OVOL2: variants seen among roughly 807,000 people sequenced by gnomAD.
The protein encoded by OVOL2 is ovo like zinc finger 2, also known as transcription factor Ovo-like 2.
OVOL2 carries 13 observed loss-of-function variants against 18.1 expected under a neutral mutation model. The observed-to-expected ratio is 0.72, with a 90% CI of 0.47 to 1.14. The LOEUF is 1.14. Among genes scored for constraint, OVOL2 ranks in the 50% most tolerant of loss-of-function variants. The pLI is 0.00. For missense variants in OVOL2, 335 were observed against 383.0 expected, an observed-to-expected ratio of 0.87 and a Z score of 1.05; for synonymous variants, 166 against 162.7, an observed-to-expected ratio of 1.02 and a Z score of -0.16.
At chr20:18,043,618 C>T (rs1600446122) in intron 2 of OVOL2, among the ~76,000 whole-genome samples, 1 of 152,192 alleles carries the variant, frequency 6.6e-6, no homozygotes, top group Admixed American at 6.5e-5. Flanking sequence ...CAGAGCCATG[C>T]CTATGGCTTT....
intron 3 of OVOL2, among the ~76,000 whole-genome samples, chr20:18,034,651 T>A (rs13043737): frequency 0.18 from 25,960 of 145,374 alleles, 2,846 homozygotes; most frequent in Non-Finnish European, 0.25. Flanking sequence ...TCTCTCTCTC[T>A]CACACACACA....
intron 2 of OVOL2, among the ~76,000 whole-genome samples, chr20:18,048,625 C>T (rs931856199): frequency 6.6e-6 from 1 of 151,488 alleles, no homozygotes; most frequent in African/African-American, 2.4e-5. Flanking sequence ...ACTCAGGAGG[C>T]TGAGGTGGGG....
chr20:18,036,856 G>A (rs1378808386), intron 3 of OVOL2, among the ~76,000 whole-genome samples: 2 of 152,170 alleles, frequency 1.3e-5, no homozygotes, highest in African/African-American at 2.4e-5. Context: ...ACTGCAACAG[G>A]CCGGGCGCGG....
rs1488131108 is a variant in OVOL2 at position 18,056,439 on chromosome 20, A to G, written c.321+218T>C. On this transcript the variant is annotated intron_variant, in intron 2 of 3. Coordinates refer to ENST00000278780, the MANE Select transcript of OVOL2 (RefSeq NM_021220.4). This position sits in a 1 kb window ranked among gnomAD's most constrained non-coding sequence, Gnocchi z 4.2. Reference sequence around the variant, plus strand: ...CGGGAGGACGGAGCCCACTCCGGGAACCGGCCGCCCCTGCGCAGCAGCTAC... The same window carrying G: ...CGGGAGGACGGAGCCCACTCCGGGAGCCGGCCGCCCCTGCGCAGCAGCTAC... Among the ~76,000 whole-genome samples, 1 of 151,952 alleles carries G rather than the reference A, an allele frequency of 6.6e-6. No individual in the cohort carries two copies. Among genetic ancestry groups the G allele is most frequent in the Non-Finnish European group, 1.5e-5 (1 of 67,942 alleles).
chr20:18,035,681 C>G (rs1375531168), intron 3 of OVOL2, among the ~76,000 whole-genome samples: 1 of 152,158 alleles, frequency 6.6e-6, no homozygotes, highest in Admixed American at 6.5e-5. Flanking sequence ...CAGGAAGCCC[C>G]CGGCTGCTCT....
At chr20:18,025,086 G>C in intron 3 of OVOL2, 134 bp from the exon 4 acceptor site, 1 of 1,044,878 alleles carries the variant, frequency 9.6e-7, no homozygotes, top group Non-Finnish European at 1.4e-6. Context: ...CAGCAGGAGA[G>C]AAAACTGTCT....
At chr20:18,042,990 T>C (rs2036688320) in intron 2 of OVOL2, among the ~76,000 whole-genome samples, 1 of 152,152 alleles carries the variant, frequency 6.6e-6, no homozygotes, top group African/African-American at 2.4e-5. Flanking sequence ...TCAGGTATTC[T>C]TTATGGCAAC....
chr20:18,057,677 G>T lies in OVOL2; in HGVS notation c.-43C>A, dbSNP rs1456267108. 8 of 1,530,742 alleles carry T rather than the reference G, an allele frequency of 5.2e-6. No individual in the cohort carries two copies. The African/African-American group carries it at 1.1e-4, about 21-fold the overall frequency. The allele number at this position is 1,530,742 out of a possible 1,614,324, so 94.8% of individuals were successfully genotyped here. A position where few individuals can be genotyped will look rare whatever the true frequency, so the allele number is the denominator to read the frequency against. On this transcript the variant is annotated 5_prime_UTR_variant, in exon 1 of 4. Coordinates refer to ENST00000278780, the MANE Select transcript of OVOL2 (RefSeq NM_021220.4). This position sits in a 1 kb window ranked among gnomAD's most constrained non-coding sequence, Gnocchi z 6.3. Reference sequence around the variant, plus strand: ...CGACTGCGGCCCCCTCCTCCCGGCTGCTCCCCGCTAGGGGCAACGGCGGCG... The same window carrying T: ...CGACTGCGGCCCCCTCCTCCCGGCTTCTCCCCGCTAGGGGCAACGGCGGCG...
At chr20:18,054,766 C>CAAAAAAAAAAA (rs745367889) in intron 2 of OVOL2, among the ~76,000 whole-genome samples, 18 of 63,418 alleles carry the variant, frequency 2.8e-4, no homozygotes, top group African/African-American at 3.5e-4. Context: ...AACTCCATCT[C>CAAAAAAAAAAA]AAAAAAAAAA....
Position 18,056,931 on chromosome 20 carries a change from C to A in OVOL2, c.101-54G>T, listed in dbSNP as rs960012133. 6 of 1,427,518 alleles carry A rather than the reference C, an allele frequency of 4.2e-6. No individual in the cohort carries two copies. Among genetic ancestry groups the A allele is most frequent in the Non-Finnish European group, 3.6e-6 (4 of 1,099,776 alleles). The allele number at this position is 1,427,518 out of a possible 1,614,324, so 88.4% of individuals were successfully genotyped here. On this transcript the variant is annotated intron_variant, in intron 1 of 3. Transcript: ENST00000278780. This position sits in a 1 kb window ranked among gnomAD's most constrained non-coding sequence, Gnocchi z 4.2. ...CACACACTCGGCGTCAACCCGCACGCCCGCGGCAGTTTGACCTGCGGGCGG... is the reference window on the plus strand; with the variant it reads ...CACACACTCGGCGTCAACCCGCACGACCGCGGCAGTTTGACCTGCGGGCGG...
chr20:18,043,001 G>A (rs1037019482), intron 2 of OVOL2, among the ~76,000 whole-genome samples: 3 of 152,108 alleles, frequency 2.0e-5, no homozygotes, highest in African/African-American at 7.2e-5. Context: ...TTATGGCAAC[G>A]CAAAATGGAC....
intron 2 of OVOL2, among the ~76,000 whole-genome samples, chr20:18,047,872 A>AAAAAAT (rs2036738020): frequency 6.6e-6 from 1 of 151,356 alleles, no homozygotes; most frequent in African/African-American, 2.4e-5. Flanking sequence ...AAAAAAAAAA[A>AAAAAAT]AAAAAGAAAG....
At chr20:18,028,701 G>A (rs1005556448) in intron 3 of OVOL2, among the ~76,000 whole-genome samples, 4 of 152,112 alleles carry the variant, frequency 2.6e-5, no homozygotes, top group East Asian at 3.9e-4. Context: ...AATGAGGCAC[G>A]AAAATTGCTT....
At chr20:18,028,442 G>A (rs1160529796) in intron 3 of OVOL2, among the ~76,000 whole-genome samples, 2 of 151,608 alleles carry the variant, frequency 1.3e-5, no homozygotes, top group South Asian at 2.1e-4. Flanking sequence ...CTCTCAAAGT[G>A]CTGGGATTAC....
intron 2 of OVOL2, among the ~76,000 whole-genome samples, chr20:18,048,378 T>G (rs1353793810): frequency 1.3e-5 from 2 of 152,022 alleles, no homozygotes; most frequent in African/African-American, 4.8e-5. Context: ...AAAACGAAAC[T>G]AAAAAGGGAG....
intron 3 of OVOL2, among the ~76,000 whole-genome samples, chr20:18,034,198 G>A (rs1352896536): frequency 1.3e-5 from 2 of 152,138 alleles, no homozygotes; most frequent in Non-Finnish European, 2.9e-5. Flanking sequence ...CCTTCTTTAA[G>A]GAATCAGCAC....
Position 18,041,729 on chromosome 20 carries a change from G to A in OVOL2, c.322-6C>T, listed in dbSNP as rs1251183459. ...CTGCACGTGCCTGTGGTGAACTGGG[G>A]GCAGAGAGAGGCCATGAGGGTCCCC... On this transcript the variant is annotated splice_polypyrimidine_tract_variant and splice_region_variant and intron_variant, in intron 2 of 3. Transcript: ENST00000278780. 6.2e-7 allele frequency: 1 copy of A among 1,607,150 alleles called. No individual in the cohort carries two copies. The highest frequency in any genetic ancestry group is 1.3e-5 in the African/African-American group (1 of 74,706).
intron 3 of OVOL2, among the ~76,000 whole-genome samples, chr20:18,036,196 G>A (rs1460774129): frequency 6.6e-6 from 1 of 152,090 alleles, no homozygotes; most frequent in African/African-American, 2.4e-5. Flanking sequence ...AGGAGGCTGA[G>A]GCAGGAGAAT....
chr20:18,030,941 A>G (rs1196007891), intron 3 of OVOL2, among the ~76,000 whole-genome samples: 1 of 152,028 alleles, frequency 6.6e-6, no homozygotes, highest in African/African-American at 2.4e-5. Context: ...CTCCCAGAGC[A>G]CCCCCATCAC....
Sources: gnomAD v4.1 joint callset for allele counts (sites outside exome capture counted in the v4.1 genomes callset) on GRCh38, gnomAD v4.1.1 for gene constraint, Gnocchi (gnomAD v3.1) non-coding constraint, MANE v1.5 for transcripts, NCBI Gene and HGNC (gene_info 2026-07-23, HGNC 2026-07-21) for gene names.